Variants in PIK3R4 observed in about 807,000 individuals in gnomAD.
The protein encoded by PIK3R4 is phosphoinositide 3-kinase regulatory subunit 4.
Under a neutral mutation model 136.5 loss-of-function variants are expected in PIK3R4, and 46 were observed. That is an observed-to-expected ratio of 0.34 (90% confidence interval 0.27 to 0.43). The LOEUF (loss-of-function observed/expected upper bound fraction) is 0.43. PIK3R4 is among the 20% of genes least tolerant of loss of function. The pLI, the probability that PIK3R4 is intolerant of heterozygous loss-of-function variation, is 1.00. For missense variants in PIK3R4, 1,331 were observed against 1,649.5 expected, an observed-to-expected ratio of 0.81 and a Z score of 3.35; for synonymous variants, 557 against 566.7, an observed-to-expected ratio of 0.98 and a Z score of 0.24.
intron 13 of PIK3R4, among the ~76,000 whole-genome samples, chr3:130,693,397 C>G (rs1261401803): frequency 6.6e-6 from 1 of 152,156 alleles, no homozygotes; most frequent in Non-Finnish European, 1.5e-5. Flanking sequence ...TCCAAAGTTA[C>G]TGCACTGTTT....
intron 9 of PIK3R4, among the ~76,000 whole-genome samples, chr3:130,711,804 A>G (rs754648002): frequency 1.3e-5 from 2 of 152,218 alleles, no homozygotes; most frequent in African/African-American, 2.4e-5. Context: ...TAAAATTCAC[A>G]ATCCACAGAG....
At chr3:130,717,527 G>A (rs758431494) in intron 8 of PIK3R4, among the ~76,000 whole-genome samples, 4 of 150,316 alleles carry the variant, frequency 2.7e-5, no homozygotes, top group Non-Finnish European at 5.9e-5. Flanking sequence ...AGTTGCTCTT[G>A]GGGTAAAAAT....
chr3:130,716,352 T>G, intron 9 of PIK3R4, 44 bp downstream of exon 9: 6 of 1,477,646 alleles, frequency 4.1e-6, no homozygotes, highest in Non-Finnish European at 5.6e-6. Flanking sequence ...AATATTTTTA[T>G]GAAATTCGCA....
At chr3:130,682,432 T>C (rs2066464742) in intron 16 of PIK3R4, among the ~76,000 whole-genome samples, 1 of 152,080 alleles carries the variant, frequency 6.6e-6, no homozygotes, top group Non-Finnish European at 1.5e-5. Flanking sequence ...TTGATTTTGG[T>C]CCACAAAACC....
At chr3:130,687,955 C>T (rs746141569) in intron 14 of PIK3R4, among the ~76,000 whole-genome samples, 28 of 152,120 alleles carry the variant, frequency 1.8e-4, no homozygotes, top group East Asian at 5.8e-4. Context: ...TTCATTGCTA[C>T]GGCAGTGTGC....
intron 6 of PIK3R4, chr3:130,725,875 T>C (rs2066728515): frequency 6.6e-6 from 1 of 152,194 alleles, no homozygotes; most frequent in Non-Finnish European, 1.5e-5. Context: ...AAGAAATATA[T>C]ATCAAAACAA....
chr3:130,695,156 T>C (rs2066539536), intron 13 of PIK3R4, among the ~76,000 whole-genome samples: 1 of 152,134 alleles, frequency 6.6e-6, no homozygotes, highest in Non-Finnish European at 1.5e-5. Flanking sequence ...TTTTTACATG[T>C]TGGATTTAGT....
intron 16 of PIK3R4, among the ~76,000 whole-genome samples, chr3:130,683,095 T>A (rs1474715538): frequency 6.6e-6 from 1 of 152,110 alleles, no homozygotes; most frequent in Admixed American, 6.6e-5. Flanking sequence ...GGAAGTGGGA[T>A]GAGAAAAAGA....
At chr3:130,728,954 C>T (rs2066748203) in intron 5 of PIK3R4, among the ~76,000 whole-genome samples, 1 of 152,112 alleles carries the variant, frequency 6.6e-6, no homozygotes, top group Non-Finnish European at 1.5e-5. Flanking sequence ...CATTTATTAG[C>T]TCAAGGAGAA....
chr3:130,702,428 G>GATTGAGCT (rs1183573643), intron 13 of PIK3R4, among the ~76,000 whole-genome samples: 23 of 152,100 alleles, frequency 1.5e-4, no homozygotes, highest in African/African-American at 5.3e-4. Context: ...CAATAATTAA[G>GATTGAGCT]AATGGTGTAA....
At chr3:130,724,303 AAAAT>A (rs749842779) in intron 6 of PIK3R4, among the ~76,000 whole-genome samples, 11 of 152,190 alleles carry the variant, frequency 7.2e-5, no homozygotes, top group Non-Finnish European at 1.3e-4. Context: ...ATATGAAATT[AAAAT>A]AAATAGTGTA....
At position 130,679,354 on chromosome 3, in the gene PIK3R4, T is replaced by C. The variant is rs1270246576; in HGVS notation, c.4038A>G (p.Val1346=). The change falls in exon 20 of 20, where the codon GTA becomes GTG. Residue 1346 remains valine, a synonymous_variant. Transcript: ENST00000356763. ...TCACAATCCCATCTCTAGAAGCAGTTACGATGAAGCCCTGTGTGGTCTGGA... is the reference window on the plus strand; with the variant it reads ...TCACAATCCCATCTCTAGAAGCAGTCACGATGAAGCCCTGTGTGGTCTGGA... The part of the protein sequence containing the change: ...ATFQTTQGFI[V]TASRDGIVKV... The C allele has an allele frequency of 1.2e-6, 2 of 1,611,118 alleles. No homozygotes were observed. The highest frequency in any genetic ancestry group is 2.7e-5 in the African/African-American group (2 of 74,838).
chr3:130,704,919 C>T (rs2066598416), intron 12 of PIK3R4, among the ~76,000 whole-genome samples: 1 of 152,142 alleles, frequency 6.6e-6, no homozygotes, highest in South Asian at 2.1e-4. Context: ...CAACCTCTAC[C>T]TCCCAGGTTC....
Position 130,733,734 on chromosome 3 carries a change from G to C in PIK3R4, c.1264C>G (p.Leu422Val). The stretch of plus-strand genomic sequence containing the variant: ...ACAGAGTCATTGCTGAAATGCAAAA[G>C]ATATGGAGTAATACGATCCAAAAGG... ...EILLDRITPYLLHFSNDSVPR... is the reference protein window; with the variant it reads ...EILLDRITPYVLHFSNDSVPR... The change falls in exon 4 of 20, where the codon CTT becomes GTT. Residue 422 changes from leucine to valine, a missense_variant. Leu to Val is a conservative substitution (Grantham distance 32). This residue lies in a region of PIK3R4 where 1,180 missense variants were observed against 1,407.0 expected (regional missense o/e 0.84). Coordinates refer to ENST00000356763, the MANE Select transcript of PIK3R4 (RefSeq NM_014602.3). 6.2e-7 allele frequency: 1 copy of C among 1,614,156 alleles called. No homozygotes were observed. Among genetic ancestry groups the C allele is most frequent in the Non-Finnish European group, 8.5e-7 (1 of 1,179,996 alleles).
At chr3:130,679,589 TTAA>T in intron 19 of PIK3R4, 104 bp from the exon 20 acceptor site, 1 of 744,730 alleles carries the variant, frequency 1.3e-6, no homozygotes, top group South Asian at 1.9e-5. Flanking sequence ...TGTATTTAAG[TTAA>T]CACCTTTTGT....
chr3:130,731,222 C>T (rs1028266340), intron 4 of PIK3R4, among the ~76,000 whole-genome samples: 1 of 152,290 alleles, frequency 6.6e-6, no homozygotes, highest in African/African-American at 2.4e-5. Flanking sequence ...TGATCACAAC[C>T]GGTCAAAGAC....
intron 9 of PIK3R4, among the ~76,000 whole-genome samples, chr3:130,711,890 G>A (rs2066634277): frequency 6.6e-6 from 1 of 152,056 alleles, no homozygotes; most frequent in South Asian, 2.1e-4. Context: ...TATAGCTTTT[G>A]AATTTTAAAC....
chr3:130,730,473 T>C (rs1050025772), intron 4 of PIK3R4, 31 bp from the exon 5 acceptor site: 2 of 1,474,220 alleles, frequency 1.4e-6, no homozygotes, highest in African/African-American at 2.9e-5. Flanking sequence ...AAATTTATAA[T>C]TACAATCTTA....
chr3:130,743,015 A>C (rs1435158301), intron 2 of PIK3R4, among the ~76,000 whole-genome samples: 1 of 152,196 alleles, frequency 6.6e-6, no homozygotes, highest in African/African-American at 2.4e-5. Flanking sequence ...AAAGCTTCAG[A>C]ATCACTTCTG....
Sources: allele counts gnomAD v4.1 joint callset (sites outside exome capture counted in the v4.1 genomes callset), GRCh38; gene constraint gnomAD v4.1.1; regional missense constraint gnomAD v4.1.1; transcripts MANE v1.5; gene names NCBI Gene and HGNC (gene_info 2026-07-23, HGNC 2026-07-21).